Variants in PPME1 observed in about 807,000 individuals in gnomAD.
PPME1 encodes protein phosphatase methylesterase 1.
In PPME1, 17 loss-of-function variants were observed where a neutral mutation model predicts 56.9. The observed-to-expected ratio is 0.30, with a 90% confidence interval of 0.20 to 0.45. The LOEUF (loss-of-function observed/expected upper bound fraction) is 0.45, where lower values mean the gene tolerates loss of function less well. PPME1 is among the 20% of genes least tolerant of loss of function. PPME1 has a pLI of 1.00. For missense variants in PPME1, 357 were observed against 483.2 expected (o/e 0.74, Z 2.45); for synonymous variants, 122 against 156.2 (o/e 0.78, Z 1.63).
At chr11:74,234,869 A>G (rs1859153460) in intron 7 of PPME1, among the ~76,000 whole-genome samples, 1 of 152,240 alleles carries the variant, frequency 6.6e-6, no homozygotes, top group Non-Finnish European at 1.5e-5. Context: ...GAAGAGAGAC[A>G]GGATAACTGA....
chr11:74,212,491 G>A (rs942893639), intron 3 of PPME1, among the ~76,000 whole-genome samples: 2 of 152,186 alleles, frequency 1.3e-5, no homozygotes, highest in African/African-American at 4.8e-5. Flanking sequence ...GTGGACTTGA[G>A]CAGCACATAA....
intron 5 of PPME1, among the ~76,000 whole-genome samples, chr11:74,227,474 G>GA (rs61171109): frequency 0.17 from 24,690 of 144,162 alleles, 4,525 homozygotes; most frequent in African/African-American, 0.47. Flanking sequence ...AGTTACTGTG[G>GA]AAAAAAAAAA....
chr11:74,196,446 C>A (rs1464237476), intron 1 of PPME1, among the ~76,000 whole-genome samples: 1 of 152,086 alleles, frequency 6.6e-6, no homozygotes, highest in Non-Finnish European at 1.5e-5. Flanking sequence ...AGGAAGGGGT[C>A]TGGATTTGTA....
At chr11:74,233,928 A>C (rs191413117) in intron 7 of PPME1, among the ~76,000 whole-genome samples, 2 of 152,356 alleles carry the variant, frequency 1.3e-5, no homozygotes, top group Admixed American at 1.3e-4. Context: ...ATCAAATAGA[A>C]GAAGTGGGGA....
In PPME1 at chr11:74,230,809, A is replaced by G. The variant is rs931152093; in HGVS notation, c.554-103A>G. 8 of 923,006 alleles carry G rather than the reference A, an allele frequency of 8.7e-6. No individual in the cohort carries two copies. Among genetic ancestry groups the G allele is most frequent in the Non-Finnish European group, 1.3e-5 (8 of 594,314 alleles). 57.2% of individuals were successfully genotyped at this position (923,006 alleles called of 1,614,324 possible). On this transcript the variant is annotated intron_variant, in intron 6 of 13. Transcript: ENST00000328257. This position sits in a 1 kb window ranked among gnomAD's most constrained non-coding sequence, Gnocchi z 4.9. ...TCTTTATTTCTCTGCGAGCATCACTAAATTCTGCTGTCATCAAGAGCAGAT... is the reference window on the plus strand; with the variant it reads ...TCTTTATTTCTCTGCGAGCATCACTGAATTCTGCTGTCATCAAGAGCAGAT...
At chr11:74,235,667 A>G (rs1466170430) in intron 7 of PPME1, 11 of 528,488 alleles carry the variant, frequency 2.1e-5, no homozygotes, top group Admixed American at 3.5e-5. Flanking sequence ...GGCACCTAGT[A>G]TCCTCTTGAT....
At chr11:74,193,291 G>A (rs1022153604) in intron 1 of PPME1, among the ~76,000 whole-genome samples, 3 of 152,172 alleles carry the variant, frequency 2.0e-5, no homozygotes, top group African/African-American at 4.8e-5. Flanking sequence ...TAGTGACACC[G>A]TTGCTTTCTG....
chr11:74,199,698 CAT>C (rs1011440573), intron 1 of PPME1, among the ~76,000 whole-genome samples: 1 of 152,138 alleles, frequency 6.6e-6, no homozygotes, highest in African/African-American at 2.4e-5. Context: ...CTGATAAAGA[CAT>C]ATCCAAGACT....
intron 3 of PPME1, among the ~76,000 whole-genome samples, chr11:74,213,857 G>T (rs549403073): frequency 2.0e-5 from 3 of 152,148 alleles, no homozygotes; most frequent in Non-Finnish European, 4.4e-5. Context: ...GAAAGCTTTC[G>T]CAGGAAGAAT....
At chr11:74,245,564 AAAATATAAGAAAAAATGCTCTACTGAC>A (rs1859481647) in intron 9 of PPME1, among the ~76,000 whole-genome samples, 1 of 152,154 alleles carries the variant, frequency 6.6e-6, no homozygotes, top group Non-Finnish European at 1.5e-5. Context: ...TCATTATCAT[AAAATATAAGAAAAAATGCTCTACTGAC>A]AAATCAACCT....
At chr11:74,225,090 TA>T in intron 4 of PPME1, 114 bp from the exon 5 acceptor site, 1 of 653,160 alleles carries the variant, frequency 1.5e-6, no homozygotes. Flanking sequence ...ACTCATTGTG[TA>T]AAATTGTGAA....
intron 1 of PPME1, among the ~76,000 whole-genome samples, chr11:74,194,396 G>A (rs1857926587): frequency 6.6e-6 from 1 of 152,018 alleles, no homozygotes; most frequent in African/African-American, 2.4e-5. Context: ...CAGACAGTTG[G>A]CAAATGCCAT....
chr11:74,175,833 A>G (rs1857388370), intron 1 of PPME1, among the ~76,000 whole-genome samples: 1 of 152,226 alleles, frequency 6.6e-6, no homozygotes, highest in Non-Finnish European at 1.5e-5. Flanking sequence ...TGAAATGTTC[A>G]TTGACTTGCC....
At chr11:74,251,600 C>T (rs769488981) in intron 12 of PPME1, 48 bp from the exon 13 acceptor site, 2 of 1,600,098 alleles carry the variant, frequency 1.2e-6, no homozygotes, top group Admixed American at 3.4e-5. Context: ...CAAGGCTAAG[C>T]CCCATCACTA....
intron 5 of PPME1, among the ~76,000 whole-genome samples, chr11:74,226,697 A>C (rs140542104): frequency 3.3e-5 from 5 of 152,306 alleles, no homozygotes; most frequent in African/African-American, 9.6e-5. Context: ...GAAATTGAAG[A>C]ATTGATTGAG....
Position 74,171,301 on chromosome 11 carries a change from T to C in PPME1, c.-121T>C. 2.7e-6 allele frequency: 4 copies of C among 1,509,340 alleles called. No homozygotes were observed. The highest frequency in any genetic ancestry group is 1.3e-5 in the South Asian group (1 of 78,492). 93.5% of individuals were successfully genotyped at this position (1,509,340 alleles called of 1,614,324 possible). A position where few individuals can be genotyped will look rare whatever the true frequency, so the allele number is the denominator to read the frequency against. On this transcript the variant is annotated 5_prime_UTR_variant, in exon 1 of 14. Coordinates refer to ENST00000328257, the MANE Select transcript of PPME1 (RefSeq NM_016147.3). ...GGCGGTAGGCGGTGCTACGGGTAGC[T>C]GGGTGCTGTCCAAAGGCGACAGGGC...
chr11:74,223,525 T>TA (rs1439788491), intron 4 of PPME1, among the ~76,000 whole-genome samples: 2 of 135,176 alleles, frequency 1.5e-5, no homozygotes, highest in African/African-American at 7.0e-5. Flanking sequence ...CACACTGACT[T>TA]CCGCAATGGT....
At position 74,222,357 on chromosome 11, in the gene PPME1, C is replaced by A; in HGVS notation, c.334C>A (p.Leu112Met). ...TCAGTGTAGGATTGTAGCTTTGGATCTGCGAAGTCATGGTGAGTAAAGTTC... is the reference window on the plus strand; with the variant it reads ...TCAGTGTAGGATTGTAGCTTTGGATATGCGAAGTCATGGTGAGTAAAGTTC... ...RVQCRIVALD[L>M]RSHGETKVKN... Residue 112 changes from leucine to methionine, a missense_variant, in exon 4 of 14, where the codon CTG becomes ATG. By Grantham distance (15) the Leu-to-Met change is conservative. This residue lies in a region of PPME1 where 175 missense variants were observed against 189.4 expected (regional missense o/e 0.92). Coordinates refer to ENST00000328257, the MANE Select transcript of PPME1 (RefSeq NM_016147.3). The A allele has an allele frequency of 6.2e-7, 1 of 1,610,864 alleles. No individual in the cohort carries two copies. Among genetic ancestry groups the A allele is most frequent in the East Asian group, 2.2e-5 (1 of 44,848 alleles).
intron 1 of PPME1, among the ~76,000 whole-genome samples, chr11:74,196,658 A>G (rs1857989933): frequency 2.4e-5 from 3 of 127,548 alleles, no homozygotes; most frequent in South Asian, 5.2e-4. Flanking sequence ...AAGTAAAGTG[A>G]AAGAACAGCT....
Sources: allele counts gnomAD v4.1 joint callset (sites outside exome capture counted in the v4.1 genomes callset), GRCh38; gene constraint gnomAD v4.1.1; regional missense constraint gnomAD v4.1.1; non-coding constraint Gnocchi (gnomAD v3.1); transcripts MANE v1.5; gene names NCBI Gene and HGNC (gene_info 2026-07-23, HGNC 2026-07-21).